ATP2B2: variants seen among roughly 807,000 people sequenced by gnomAD.
ATP2B2 encodes ATPase plasma membrane Ca2+ transporting 2.
Under a neutral mutation model 120.0 loss-of-function variants are expected in ATP2B2, and 15 were observed. The ratio of observed to expected loss-of-function variants is 0.12; its 90% CI spans 0.08 to 0.19. The LOEUF (loss-of-function observed/expected upper bound fraction) is 0.19. ATP2B2 is among the 10% of genes least tolerant of loss of function. The pLI is 1.00. For missense variants in ATP2B2, 1,045 were observed against 1,719.8 expected (o/e 0.61, Z 6.94); for synonymous variants, 694 against 700.3 (o/e 0.99, Z 0.14).
At chr3:10,617,055 C>T (rs943330381) in intron 2 of ATP2B2, among the ~76,000 whole-genome samples, 1 of 152,220 alleles carries the variant, frequency 6.6e-6, no homozygotes, top group African/African-American at 2.4e-5. Context: ...CTTCTGTGAT[C>T]TATATTGCCA....
chr3:10,519,402 T>G (rs1337938994), intron 3 of ATP2B2, among the ~76,000 whole-genome samples: 1 of 152,144 alleles, frequency 6.6e-6, no homozygotes, highest in Non-Finnish European at 1.5e-5. Flanking sequence ...ACTTGGCTAA[T>G]GAGGGAACAG....
intron 2 of ATP2B2, among the ~76,000 whole-genome samples, chr3:10,613,030 T>G (rs1436942400): frequency 6.6e-6 from 1 of 152,170 alleles, no homozygotes; most frequent in Non-Finnish European, 1.5e-5. Flanking sequence ...TGAGCCAGCC[T>G]GGCCTCCACC....
intron 2 of ATP2B2, among the ~76,000 whole-genome samples, chr3:10,579,447 C>T (rs11720387): frequency 0.49 from 74,408 of 151,972 alleles, 18,721 homozygotes; most frequent in East Asian, 0.78. Context: ...CCAAGGCAGG[C>T]AGATCCCCTG....
At chr3:10,662,811 T>C (rs1199341488) in intron 1 of ATP2B2, among the ~76,000 whole-genome samples, 1 of 152,096 alleles carries the variant, frequency 6.6e-6, no homozygotes, top group African/African-American at 2.4e-5. Context: ...ATTGCGGCAC[T>C]ATTCACAATA....
intron 2 of ATP2B2, among the ~76,000 whole-genome samples, chr3:10,605,777 T>C (rs936656200): frequency 5.3e-5 from 8 of 151,910 alleles, no homozygotes; most frequent in African/African-American, 1.9e-4. Flanking sequence ...GCCTCCTGAG[T>C]AGCTGGGACT....
intron 3 of ATP2B2, among the ~76,000 whole-genome samples, chr3:10,533,375 C>A (rs959139576): frequency 9.2e-5 from 14 of 152,216 alleles, no homozygotes; most frequent in African/African-American, 2.9e-4. Flanking sequence ...TATGTTCCAG[C>A]TACTCTGCTA....
intron 5 of ATP2B2, among the ~76,000 whole-genome samples, 179 bp from the exon 6 acceptor site, chr3:10,388,581 C>T (rs1449017128): frequency 2.0e-5 from 3 of 152,212 alleles, no homozygotes; most frequent in African/African-American, 4.8e-5. Flanking sequence ...GCTTTCACCT[C>T]AGGACAGTGC....
chr3:10,430,693 G>A (rs936344631), intron 2 of ATP2B2, among the ~76,000 whole-genome samples: 12 of 151,706 alleles, frequency 7.9e-5, no homozygotes, highest in African/African-American at 2.9e-4. Flanking sequence ...AGAAATCACA[G>A]TATCAGAAAT....
intron 1 of ATP2B2, among the ~76,000 whole-genome samples, chr3:10,667,496 G>A (rs900961040): frequency 1.3e-5 from 2 of 152,210 alleles, no homozygotes; most frequent in South Asian, 2.1e-4. Flanking sequence ...CGCACTCGGC[G>A]TGTCAGCCTG....
chr3:10,433,413 G>A (rs1575210373), intron 2 of ATP2B2, among the ~76,000 whole-genome samples: 1 of 152,136 alleles, frequency 6.6e-6, no homozygotes, highest in African/African-American at 2.4e-5. Flanking sequence ...CTGATACTGT[G>A]ATTTCTCCAA....
chr3:10,606,947 AGAGGGGGAGG>A, intron 2 of ATP2B2, among the ~76,000 whole-genome samples: 1 of 71,048 alleles, frequency 1.4e-5, no homozygotes, highest in Non-Finnish European at 2.4e-5. Context: ...AGGGAGAGGG[AGAGGGGGAGG>A]GGGGGAGAGA....
chr3:10,532,699 G>A (rs1245294093), intron 3 of ATP2B2, among the ~76,000 whole-genome samples: 1 of 152,226 alleles, frequency 6.6e-6, no homozygotes, highest in Non-Finnish European at 1.5e-5. Context: ...TCGTCCCAAA[G>A]TGCTTGGGCA....
intron 2 of ATP2B2, among the ~76,000 whole-genome samples, chr3:10,412,687 G>A (rs781018211): frequency 3.3e-5 from 5 of 152,128 alleles, no homozygotes; most frequent in Non-Finnish European, 7.4e-5. Context: ...TACTTGGGCC[G>A]TGGACCTTGG....
At chr3:10,365,485 G>A (rs1422084394) in intron 12 of ATP2B2, among the ~76,000 whole-genome samples, 1 of 152,198 alleles carries the variant, frequency 6.6e-6, no homozygotes, top group Non-Finnish European at 1.5e-5. Context: ...GGGAGGGCAG[G>A]AGGTGGGTGC....
At chr3:10,436,204 A>G (rs114237465) in intron 2 of ATP2B2, among the ~76,000 whole-genome samples, 2,208 of 152,366 alleles carry the variant, frequency 0.014, 53 homozygotes, top group African/African-American at 0.05. Flanking sequence ...ATCATTAGAA[A>G]TCAATTATAT....
chr3:10,447,205 G>A (rs563752053), intron 2 of ATP2B2, among the ~76,000 whole-genome samples: 11 of 152,306 alleles, frequency 7.2e-5, no homozygotes, highest in African/African-American at 2.4e-4. Flanking sequence ...GGGTTTTACC[G>A]GGTCCTCATC....
chr3:10,370,157 C>T (rs551204826), intron 12 of ATP2B2, among the ~76,000 whole-genome samples: 3 of 152,364 alleles, frequency 2.0e-5, no homozygotes, highest in South Asian at 4.1e-4. Flanking sequence ...CTAAAAAGCA[C>T]TGCTTAATTG....
At chr3:10,540,055 G>A (rs2067400044) in intron 2 of ATP2B2, among the ~76,000 whole-genome samples, 2 of 152,168 alleles carry the variant, frequency 1.3e-5, no homozygotes, top group Admixed American at 1.3e-4. Flanking sequence ...AAAAGTGGGT[G>A]AAGGATATGA....
rs914361274 is a variant in ATP2B2, at chr3:10,324,252, C to T, written c.*4562G>A. 6.6e-6 allele frequency: 1 copy of T among 152,106 alleles called. No homozygotes were observed. Among genetic ancestry groups the T allele is most frequent in the African/African-American group, 2.4e-5 (1 of 41,484 alleles). The allele number at this position is 152,106 out of a possible 1,614,324, so 9.4% of individuals were successfully genotyped here. The stretch of plus-strand genomic sequence containing the variant: ...TCGCTACTCTATTATAAAATATGTG[C>T]ACACAAGAGTTAGCAAAGTGTGGTG... On this transcript the variant is annotated 3_prime_UTR_variant, in exon 23 of 23. Transcript: ENST00000360273.
Sources: allele counts gnomAD v4.1 joint callset (sites outside exome capture counted in the v4.1 genomes callset), GRCh38; gene constraint gnomAD v4.1.1; transcripts MANE v1.5; gene names NCBI Gene and HGNC (gene_info 2026-07-23, HGNC 2026-07-21).